Variants in COL14A1 observed in about 807,000 individuals in gnomAD.
The protein encoded by COL14A1 is collagen alpha-1(XIV) chain.
COL14A1 carries 136 observed loss-of-function variants against 230.3 expected under a neutral mutation model. The observed-to-expected ratio is 0.59, with a 90% CI of 0.51 to 0.68. COL14A1 has a LOEUF of 0.68. COL14A1 is among the 30% of genes least tolerant of loss of function. The pLI is 0.00. For missense variants in COL14A1, 1,976 were observed against 2,215.8 expected (o/e 0.89, Z 2.17); for synonymous variants, 792 against 784.1 (o/e 1.01, Z -0.17).
intron 34 of COL14A1, among the ~76,000 whole-genome samples, chr8:120,291,928 A>G (rs2129973336): frequency 6.6e-6 from 1 of 152,294 alleles, no homozygotes; most frequent in South Asian, 2.1e-4. Context: ...CCTACATCAC[A>G]GTGTCTACTC....
Position 120,315,950 on chromosome 8 carries a change from C to A in COL14A1, c.4612C>A (p.Pro1538Thr). 6.2e-7 allele frequency: 1 copy of A among 1,613,800 alleles called. No homozygotes were observed. The highest frequency in any genetic ancestry group is 8.5e-7 in the Non-Finnish European group (1 of 1,179,936). The change falls in exon 40 of 48, where the codon CCA becomes ACA. Residue 1538 changes from proline (P) to threonine (T), a missense_variant. By Grantham distance (38) the Pro-to-Thr change is conservative. Transcript: ENST00000297848. ...TTGTCCCTGTTCTACACAGGGTATC[C>A]CAGGAGGCGTTGGTTCACCAGGACG... ...DTGLPGPQGI[P>T]GGVGSPGRDG... is the part of the protein sequence containing the mutation.
At chr8:120,296,744 G>A (rs1820541713) in intron 34 of COL14A1, among the ~76,000 whole-genome samples, 1 of 151,886 alleles carries the variant, frequency 6.6e-6, no homozygotes. Flanking sequence ...CATGTACATT[G>A]ACTTATCACC....
intron 38 of COL14A1, among the ~76,000 whole-genome samples, chr8:120,314,912 C>T (rs199757533): frequency 6.6e-6 from 1 of 152,036 alleles, no homozygotes; most frequent in East Asian, 1.9e-4. Context: ...TTGTAAAATC[C>T]AAGCCGTAAA....
chr8:120,318,743 GA>G (rs543283676), intron 40 of COL14A1, among the ~76,000 whole-genome samples: 3 of 151,906 alleles, frequency 2.0e-5, no homozygotes, highest in Non-Finnish European at 2.9e-5. Flanking sequence ...GCATTTGGGG[GA>G]AAAAAATAAT....
chr8:120,227,865 C>G (rs1013972572), intron 17 of COL14A1, among the ~76,000 whole-genome samples: 1 of 152,090 alleles, frequency 6.6e-6, no homozygotes, highest in African/African-American at 2.4e-5. Flanking sequence ...TATTAAATTG[C>G]CTTTGCCTGG....
At chr8:120,179,855 T>C (rs1816405739) in intron 5 of COL14A1, among the ~76,000 whole-genome samples, 2 of 152,048 alleles carry the variant, frequency 1.3e-5, no homozygotes, top group Non-Finnish European at 2.9e-5. Flanking sequence ...AACAGATATA[T>C]AGAACAATGG....
chr8:120,159,826 G>A (rs1216387903), intron 3 of COL14A1, among the ~76,000 whole-genome samples: 1 of 151,988 alleles, frequency 6.6e-6, no homozygotes, highest in Non-Finnish European at 1.5e-5. Context: ...TGAGTAGCTG[G>A]GATTACAGGT....
At chr8:120,216,622 A>G in intron 14 of COL14A1, 132 bp downstream of exon 14, 1 of 947,362 alleles carries the variant, frequency 1.1e-6, no homozygotes, top group Non-Finnish European at 1.5e-6. Flanking sequence ...TAGTTCCTGT[A>G]TGTAGGTCAG....
chr8:120,200,470 A>G (rs1817200720), intron 8 of COL14A1, among the ~76,000 whole-genome samples: 1 of 151,770 alleles, frequency 6.6e-6, no homozygotes, highest in Non-Finnish European at 1.5e-5. Flanking sequence ...CTCTGTAGTT[A>G]CATACCCAGT....
chr8:120,246,153 C>T (rs1368750227), intron 20 of COL14A1, among the ~76,000 whole-genome samples: 2 of 152,132 alleles, frequency 1.3e-5, no homozygotes, highest in Non-Finnish European at 2.9e-5. Context: ...AGCCCAGAGT[C>T]CTGATTCTGC....
rs968814294 is a variant in COL14A1, at chr8:120,372,675, G to C, written c.*1444G>C. Among the ~76,000 whole-genome samples the C allele has an allele frequency of 1.3e-5, 2 of 152,058 alleles. No individual in the cohort carries two copies. The highest frequency in any genetic ancestry group is 4.8e-5 in the African/African-American group (2 of 41,404). On this transcript the variant is annotated 3_prime_UTR_variant, in exon 48 of 48. Coordinates refer to ENST00000297848, the MANE Select transcript of COL14A1 (RefSeq NM_021110.4). Reference sequence around the variant, plus strand: ...AGGATGGTGTCTGTCTGATCACCAGGTTCTCTTTCTGTCCTTCTCATAATC... The same window carrying C: ...AGGATGGTGTCTGTCTGATCACCAGCTTCTCTTTCTGTCCTTCTCATAATC...
chr8:120,220,376 C>T (rs936957979), intron 14 of COL14A1, among the ~76,000 whole-genome samples: 7 of 150,868 alleles, frequency 4.6e-5, no homozygotes, highest in South Asian at 2.1e-4. Flanking sequence ...TGGGTTCAAG[C>T]GATTCTCCTG....
rs146663378 is a variant in COL14A1 at position 120,359,205 on chromosome 8, T to G, written c.5078-7966T>G. Among the ~76,000 whole-genome samples, 771 of 152,168 alleles carry G rather than the reference T, an allele frequency of 5.1e-3. 8 individuals carry two copies. The highest frequency in any genetic ancestry group is 0.016 in the African/African-American group (681 of 41,510). The stretch of plus-strand genomic sequence containing the variant: ...AATCCCCGCATGCATTAGATATTTG[T>G]CCTAATGCTCTCCGTCCCCTTTCCC... On this transcript the variant is annotated intron_variant, in intron 45 of 47. Transcript: ENST00000297848.
intron 36 of COL14A1, among the ~76,000 whole-genome samples, chr8:120,309,389 CAT>C (rs927054917): frequency 2.6e-5 from 4 of 152,164 alleles, no homozygotes; most frequent in East Asian, 1.9e-4. Context: ...TAAATACACA[CAT>C]GTGTTTAGAC....
intron 40 of COL14A1, among the ~76,000 whole-genome samples, chr8:120,325,970 A>G (rs569246102): frequency 3.8e-4 from 58 of 152,234 alleles, no homozygotes; most frequent in Non-Finnish European, 1.0e-4. Flanking sequence ...GCTGAATGAC[A>G]AAGCTAGAAT....
intron 43 of COL14A1, 67 bp from the exon 44 acceptor site, chr8:120,342,313 C>A: frequency 2.0e-6 from 3 of 1,496,086 alleles, no homozygotes; most frequent in Non-Finnish European, 1.9e-6. Context: ...AGATCCACAT[C>A]CTGGAAGTCC....
At chr8:120,253,212 T>C (rs1428617613) in intron 22 of COL14A1, among the ~76,000 whole-genome samples, 2 of 152,192 alleles carry the variant, frequency 1.3e-5, no homozygotes, top group East Asian at 3.9e-4. Flanking sequence ...TTTCACCATG[T>C]TGGTCAAGCT....
intron 1 of COL14A1, among the ~76,000 whole-genome samples, chr8:120,144,025 T>C (rs1478536843): frequency 6.6e-6 from 1 of 152,138 alleles, no homozygotes. Context: ...GTAACTTCAA[T>C]TGATGTGTTT....
intron 45 of COL14A1, among the ~76,000 whole-genome samples, chr8:120,362,775 A>G (rs1823264309): frequency 6.6e-6 from 1 of 152,192 alleles, no homozygotes; most frequent in African/African-American, 2.4e-5. Flanking sequence ...AAAGATAGTC[A>G]TTAGAAAAAG....
Sources: gnomAD v4.1 joint callset for allele counts (sites outside exome capture counted in the v4.1 genomes callset) on GRCh38, gnomAD v4.1.1 for gene constraint, MANE v1.5 for transcripts, NCBI Gene and HGNC (gene_info 2026-07-23, HGNC 2026-07-21) for gene names.